Variants in GNG2 observed in about 807,000 individuals in gnomAD.
GNG2 encodes the protein G protein subunit gamma 2.
Under a neutral mutation model 5.5 loss-of-function variants are expected in GNG2, and 5 were observed. The observed-to-expected ratio is 0.91, with a 90% CI of 0.48 to 1.92. The LOEUF is 1.92. Ranked by LOEUF, GNG2 falls within the 30% of genes most tolerant of loss-of-function variation. The pLI is 0.01. For synonymous variants in GNG2, 28 were observed against 32.0 expected (o/e 0.88, Z 0.42); for missense variants, 55 against 88.4 (o/e 0.62, Z 1.52).
intron 2 of GNG2, among the ~76,000 whole-genome samples, chr14:51,922,351 A>G (rs1406266062): frequency 6.6e-6 from 1 of 152,268 alleles, no homozygotes; most frequent in Admixed American, 6.5e-5. Context: ...AAGTTTACTT[A>G]GCAAAAATCT....
chr14:51,828,938 G>C (rs536354367), intron 2 of GNG2, among the ~76,000 whole-genome samples: 5 of 152,094 alleles, frequency 3.3e-5, no homozygotes, highest in Non-Finnish European at 7.4e-5. Context: ...CAAGATATTA[G>C]CTCTCTTCCA....
At chr14:51,866,755 A>G (rs1882921951) in intron 1 of GNG2, among the ~76,000 whole-genome samples, 1 of 152,164 alleles carries the variant, frequency 6.6e-6, no homozygotes, top group Non-Finnish European at 1.5e-5. Context: ...CATACTCATG[A>G]CCCAATCACC....
chr14:51,875,405 T>C (rs552630386), intron 1 of GNG2, among the ~76,000 whole-genome samples: 8 of 152,108 alleles, frequency 5.3e-5, no homozygotes, highest in Non-Finnish European at 1.2e-4. Flanking sequence ...GCAAGGGAGG[T>C]TGGGGAAAGT....
At chr14:51,937,623 A>ATTTTTTTTTTTTTTT (rs60571273) in intron 2 of GNG2, among the ~76,000 whole-genome samples, 1 of 133,584 alleles carries the variant, frequency 7.5e-6, no homozygotes. Flanking sequence ...GAAATACATA[A>ATTTTTTTTTTTTTTT]TTTTTTTTTT....
At chr14:51,944,965 G>C (rs767988406) in intron 2 of GNG2, among the ~76,000 whole-genome samples, 3 of 152,066 alleles carry the variant, frequency 2.0e-5, no homozygotes, top group Non-Finnish European at 4.4e-5. Flanking sequence ...GCAAAAATGG[G>C]CAACAGAGTT....
intron 2 of GNG2, among the ~76,000 whole-genome samples, chr14:51,935,219 G>C (rs907959151): frequency 6.6e-6 from 1 of 151,498 alleles, no homozygotes; most frequent in Non-Finnish European, 1.5e-5. Context: ...TAGAGACGGG[G>C]TTTCACTGTG....
At chr14:51,937,501 T>C (rs1183501910) in intron 2 of GNG2, among the ~76,000 whole-genome samples, 1 of 152,226 alleles carries the variant, frequency 6.6e-6, no homozygotes, top group Non-Finnish European at 1.5e-5. Context: ...TGAAAAATGG[T>C]TGCAAAGATT....
intron 2 of GNG2, among the ~76,000 whole-genome samples, chr14:51,884,760 C>T (rs1884331652): frequency 6.6e-6 from 1 of 152,130 alleles, no homozygotes; most frequent in East Asian, 1.9e-4. Flanking sequence ...CTATTCTGTT[C>T]CGATTTTCTT....
At chr14:51,865,949 GAAAA>G (rs10578977) in intron 1 of GNG2, among the ~76,000 whole-genome samples, 2 of 150,920 alleles carry the variant, frequency 1.3e-5, no homozygotes, top group African/African-American at 2.4e-5. Flanking sequence ...ATTAAACACT[GAAAA>G]AAAAAAAAGG....
At chr14:51,958,952 C>A (rs189183482) in intron 3 of GNG2, among the ~76,000 whole-genome samples, 1 of 152,174 alleles carries the variant, frequency 6.6e-6, no homozygotes, top group African/African-American at 2.4e-5. Context: ...TGACTCCAGA[C>A]GGCTAAATTT....
intron 2 of GNG2, among the ~76,000 whole-genome samples, chr14:51,922,641 A>G (rs1017470279): frequency 3.3e-5 from 5 of 152,108 alleles, no homozygotes; most frequent in Non-Finnish European, 7.4e-5. Context: ...TCCTCCCTTG[A>G]GCCTTCTCCC....
intron 2 of GNG2, among the ~76,000 whole-genome samples, chr14:51,883,960 A>T (rs1884271738): frequency 6.6e-6 from 1 of 152,178 alleles, no homozygotes; most frequent in African/African-American, 2.4e-5. Flanking sequence ...TGAAATATTT[A>T]AAAATTCAAG....
chr14:51,953,450 C>T (rs1889103046), intron 3 of GNG2, among the ~76,000 whole-genome samples: 1 of 152,190 alleles, frequency 6.6e-6, no homozygotes, highest in African/African-American at 2.4e-5. Flanking sequence ...CAATACCACA[C>T]TCTGATTGCC....
At chr14:51,887,526 G>A (rs1197127910) in intron 2 of GNG2, among the ~76,000 whole-genome samples, 1 of 152,172 alleles carries the variant, frequency 6.6e-6, no homozygotes, top group African/African-American at 2.4e-5. Flanking sequence ...AGCACAAAAT[G>A]ATGGACAAAA....
intron 2 of GNG2, among the ~76,000 whole-genome samples, chr14:51,888,825 A>G (rs1884637902): frequency 6.6e-6 from 1 of 152,204 alleles, no homozygotes; most frequent in South Asian, 2.1e-4. Flanking sequence ...TATCATAAAC[A>G]AGCAACCTGG....
At chr14:51,906,706 T>C (rs1325359670) in intron 2 of GNG2, among the ~76,000 whole-genome samples, 5 of 151,202 alleles carry the variant, frequency 3.3e-5, no homozygotes, top group South Asian at 4.2e-4. Context: ...ATCACGAAAA[T>C]AGAACATATG....
intron 2 of GNG2, chr14:51,841,618 A>G: frequency 2.9e-6 from 2 of 688,158 alleles, no homozygotes; most frequent in African/African-American, 1.8e-5. Context: ...CAGAACCATT[A>G]AAAGGAAAGA....
intron 3 of GNG2, among the ~76,000 whole-genome samples, chr14:51,963,175 G>A (rs1253659): frequency 0.93 from 140,890 of 152,264 alleles, 65,680 homozygotes; most frequent in Non-Finnish European, 0.98. Flanking sequence ...GGAGATTGCA[G>A]TCTTGTTGAG....
intron 2 of GNG2, chr14:51,841,456 C>A (rs1881479596): frequency 1.5e-6 from 1 of 684,290 alleles, no homozygotes; most frequent in Non-Finnish European, 2.7e-6. Flanking sequence ...TTCATATAAT[C>A]CTCACTGTAA....
Sources: gnomAD v4.1 joint callset for allele counts (sites outside exome capture counted in the v4.1 genomes callset) on GRCh38, gnomAD v4.1.1 for gene constraint, MANE v1.5 for transcripts, NCBI Gene and HGNC (gene_info 2026-07-23, HGNC 2026-07-21) for gene names.